Variants in PUS10 observed in about 807,000 individuals in gnomAD.
The protein encoded by PUS10 is tRNA pseudouridine synthase Pus10.
In PUS10, 59 loss-of-function variants were observed where a neutral mutation model predicts 75.0. The ratio of observed to expected loss-of-function variants is 0.79; its 90% CI spans 0.64 to 0.98. The LOEUF (loss-of-function observed/expected upper bound fraction) is 0.98, where lower values mean the gene tolerates loss of function less well. Ranked by LOEUF, PUS10 falls within the 50% of genes least tolerant of loss-of-function variation. The probability of loss-of-function intolerance (pLI) is 0.00; values close to 1 mark genes in which losing one functional copy is unlikely to be tolerated. For missense variants in PUS10, 650 were observed against 614.4 expected, an observed-to-expected ratio of 1.06 and a Z score of -0.61; for synonymous variants, 219 against 211.6, an observed-to-expected ratio of 1.03 and a Z score of -0.30.
intron 4 of PUS10, among the ~76,000 whole-genome samples, chr2:60,993,055 C>T (rs561236913): frequency 8.5e-5 from 13 of 152,310 alleles, no homozygotes; most frequent in Middle Eastern, 3.4e-3. Context: ...TGATCTCTGA[C>T]GCACTAATTG....
intron 4 of PUS10, among the ~76,000 whole-genome samples, chr2:60,972,745 T>C (rs1369512520): frequency 1.3e-5 from 2 of 152,342 alleles, no homozygotes; most frequent in East Asian, 3.9e-4. Flanking sequence ...ATGGATATGC[T>C]GTGGTTCGTA....
intron 4 of PUS10, among the ~76,000 whole-genome samples, chr2:60,999,366 G>T (rs1211652421): frequency 1.3e-5 from 2 of 152,116 alleles, no homozygotes; most frequent in Non-Finnish European, 2.9e-5. Flanking sequence ...TGTAATACTA[G>T]CACTTTGGGA....
intron 4 of PUS10, among the ~76,000 whole-genome samples, chr2:61,002,522 A>G (rs990682598): frequency 6.6e-6 from 1 of 152,144 alleles, no homozygotes; most frequent in African/African-American, 2.4e-5. Flanking sequence ...ATCTCAGCTC[A>G]CCGCAACCTC....
intron 3 of PUS10, among the ~76,000 whole-genome samples, chr2:61,008,467 GACA>G (rs757516550): frequency 6.6e-6 from 1 of 151,984 alleles, no homozygotes; most frequent in Non-Finnish European, 1.5e-5. Context: ...CTACAGCCTG[GACA>G]ACAAGAGCAA....
rs144463166 is a variant in PUS10, at chr2:60,946,820, A to G, written c.1451+1223T>C. ...ATTAAAACTTGCTTTTTTCCCATAT[A>G]TATATATCTAGTGTGTGTGTGTAAT... On this transcript the variant is annotated intron_variant, in intron 16 of 17. Transcript: ENST00000316752. Among the ~76,000 whole-genome samples the G allele has an allele frequency of 3.0e-3, 417 of 140,652 alleles. 2 individuals carry two copies. The highest frequency in any genetic ancestry group is 9.8e-3 in the African/African-American group (361 of 36,752). 92.3% of individuals were successfully genotyped at this position (140,652 alleles called of 152,430 possible).
Position 60,967,654 on chromosome 2 carries a change from T to C in PUS10, c.504-41A>G, listed in dbSNP as rs368566458. ...ATTAATTCACTGACATGAAAAACTT[T>C]ACTTTTTCTATTAAAGGCAAGAATT... is the stretch of plus-strand genomic sequence containing the variant. On this transcript the variant is annotated intron_variant, in intron 5 of 17. Transcript: ENST00000316752. 56 of 1,388,922 alleles carry C rather than the reference T, an allele frequency of 4.0e-5. No homozygotes were observed. The African/African-American group carries it at 7.0e-4, about 17-fold the overall frequency. 86.0% of individuals were successfully genotyped at this position (1,388,922 alleles called of 1,614,324 possible).
At chr2:60,997,609 C>CAAAAAAA (rs559678211) in intron 4 of PUS10, among the ~76,000 whole-genome samples, 1 of 77,802 alleles carries the variant, frequency 1.3e-5, no homozygotes, top group African/African-American at 3.2e-5. Flanking sequence ...GACTCCATCT[C>CAAAAAAA]AAAAAAAAAA....
Position 60,953,991 on chromosome 2 carries a change from G to T in PUS10, c.1135-3C>A. On this transcript the variant is annotated splice_region_variant and splice_polypyrimidine_tract_variant and intron_variant, in intron 13 of 17. Transcript: ENST00000316752. ...TTGTTAGATGAGTTATTAATTTTCT[G>T]TAGTAGCAGAAAAAGAAAAACAATT... 6.2e-7 allele frequency: 1 copy of T among 1,613,528 alleles called. No homozygotes were observed. Among genetic ancestry groups the T allele is most frequent in the African/African-American group, 1.3e-5 (1 of 75,036 alleles).
At chr2:60,998,298 T>C (rs553933294) in intron 4 of PUS10, among the ~76,000 whole-genome samples, 1 of 152,318 alleles carries the variant, frequency 6.6e-6, no homozygotes, top group South Asian at 2.1e-4. Flanking sequence ...ACTGCTTTCT[T>C]CAGATTCTGA....
chr2:60,983,545 G>C (rs1442394381), intron 4 of PUS10, among the ~76,000 whole-genome samples: 1 of 151,874 alleles, frequency 6.6e-6, no homozygotes, highest in South Asian at 2.1e-4. Flanking sequence ...GCTGAGCATG[G>C]TAGCGCATGT....
At chr2:60,946,166 G>C (rs1344308018) in intron 16 of PUS10, among the ~76,000 whole-genome samples, 3 of 152,156 alleles carry the variant, frequency 2.0e-5, no homozygotes, top group Non-Finnish European at 4.4e-5. Context: ...GCGTAGCAAT[G>C]ATGAGGAGAG....
intron 15 of PUS10, among the ~76,000 whole-genome samples, chr2:60,949,636 G>A (rs1025065729): frequency 6.6e-6 from 1 of 152,006 alleles, no homozygotes; most frequent in Admixed American, 6.6e-5. Context: ...CTTTTTCTCA[G>A]AATGGGGAAT....
In PUS10 at chr2:60,948,710, T is replaced by C. The variant is rs1241626440; in HGVS notation, c.1309-525A>G. Among the ~76,000 whole-genome samples, 4 of 152,206 alleles carry C rather than the reference T, an allele frequency of 2.6e-5. No individual in the cohort carries two copies. In the East Asian group the frequency reaches 7.7e-4, roughly 29 times the overall value. On this transcript the variant is annotated intron_variant, in intron 15 of 17. Coordinates refer to ENST00000316752, the MANE Select transcript of PUS10 (RefSeq NM_144709.4). ...CGATGTGCATAATAAACCGGGACCT[T>C]TCAATGTTTGTTAGCCCAGCTTGCA...
intron 4 of PUS10, among the ~76,000 whole-genome samples, chr2:60,985,322 G>A (rs1468530670): frequency 1.3e-5 from 2 of 152,082 alleles, no homozygotes; most frequent in Non-Finnish European, 2.9e-5. Context: ...ATTTTAAAAT[G>A]TACTATATTT....
intron 4 of PUS10, among the ~76,000 whole-genome samples, chr2:60,974,590 C>A (rs1164393050): frequency 6.6e-6 from 1 of 152,220 alleles, no homozygotes; most frequent in Non-Finnish European, 1.5e-5. Context: ...GACCTAGGAG[C>A]TCCCTGAGCC....
At chr2:60,995,195 T>C (rs1420913919) in intron 4 of PUS10, among the ~76,000 whole-genome samples, 1 of 152,188 alleles carries the variant, frequency 6.6e-6, no homozygotes, top group Admixed American at 6.5e-5. Context: ...ATCTGTAAAA[T>C]GGAGATGATA....
At chr2:61,017,879 G>C in intron 1 of PUS10, 129 bp downstream of exon 1, 1 of 1,543,840 alleles carries the variant, frequency 6.5e-7, no homozygotes, top group Non-Finnish European at 8.8e-7. Flanking sequence ...CAGGCTGTGA[G>C]TTTAGTGGGC....
At chr2:60,974,783 T>C (rs1676929304) in intron 4 of PUS10, among the ~76,000 whole-genome samples, 1 of 152,230 alleles carries the variant, frequency 6.6e-6, no homozygotes, top group Non-Finnish European at 1.5e-5. Flanking sequence ...GTGCCTGCTG[T>C]GTGCGATGGC....
At chr2:61,012,830 G>A (rs1243590774) in intron 1 of PUS10, among the ~76,000 whole-genome samples, 6 of 47,144 alleles carry the variant, frequency 1.3e-4, no homozygotes, top group African/African-American at 5.5e-4. Flanking sequence ...GAGAAACTCC[G>A]TCTCAAAAAA....
Sources: gnomAD v4.1 joint callset for allele counts (sites outside exome capture counted in the v4.1 genomes callset) on GRCh38, gnomAD v4.1.1 for gene constraint, MANE v1.5 for transcripts, NCBI Gene and HGNC (gene_info 2026-07-23, HGNC 2026-07-21) for gene names.